Variants in EPHA6 observed in about 807,000 individuals in gnomAD.
EPHA6 encodes the protein EPH receptor A6, also known as ephrin type-A receptor 6.
In EPHA6, 50 loss-of-function variants were observed where a neutral mutation model predicts 112.0. The observed-to-expected ratio is 0.45, with a 90% CI of 0.36 to 0.56. The LOEUF (loss-of-function observed/expected upper bound fraction) is 0.56. Ranked by LOEUF, EPHA6 falls within the 20% of genes least tolerant of loss-of-function variation. EPHA6 has a pLI of 0.00. For synonymous variants in EPHA6, 529 were observed against 490.7 expected (o/e 1.08, Z -1.03); for missense variants, 1,280 against 1,417.4 (o/e 0.90, Z 1.56).
At chr3:97,038,301 C>T (rs77386486) in intron 3 of EPHA6, among the ~76,000 whole-genome samples, 3,654 of 151,540 alleles carry the variant, frequency 0.024, 152 homozygotes, top group African/African-American at 0.084. Flanking sequence ...AATCCCTCTT[C>T]ATCCTTTCCC....
chr3:97,038,602 A>G (rs893891349), intron 3 of EPHA6, among the ~76,000 whole-genome samples: 1 of 152,028 alleles, frequency 6.6e-6, no homozygotes, highest in African/African-American at 2.4e-5. Flanking sequence ...TAAAGAGCAG[A>G]GTTTTCAGGA....
intron 14 of EPHA6, among the ~76,000 whole-genome samples, chr3:97,667,802 G>C (rs2030308172): frequency 6.6e-6 from 1 of 152,024 alleles, no homozygotes; most frequent in African/African-American, 2.4e-5. Flanking sequence ...CTTTTTCATG[G>C]AGCAAATTAG....
At chr3:97,143,515 C>G (rs1411253523) in intron 3 of EPHA6, among the ~76,000 whole-genome samples, 2 of 151,680 alleles carry the variant, frequency 1.3e-5, no homozygotes, top group East Asian at 3.9e-4. Context: ...GGAGGTTTTC[C>G]TTCTGTCGTT....
intron 5 of EPHA6, among the ~76,000 whole-genome samples, chr3:97,250,765 G>A (rs906497584): frequency 1.3e-5 from 2 of 152,064 alleles, no homozygotes; most frequent in Admixed American, 6.5e-5. Context: ...TTCATTAACT[G>A]AACTCTGCCT....
chr3:96,854,052 GTTA>G (rs1316796763), intron 1 of EPHA6, among the ~76,000 whole-genome samples: 3 of 150,790 alleles, frequency 2.0e-5, no homozygotes, highest in Non-Finnish European at 2.9e-5. Flanking sequence ...TGTGTATCTA[GTTA>G]TTATAAATTC....
chr3:97,158,360 A>G (rs2076336739), intron 3 of EPHA6, among the ~76,000 whole-genome samples: 1 of 152,196 alleles, frequency 6.6e-6, no homozygotes, highest in Non-Finnish European at 1.5e-5. Flanking sequence ...CCACGTGGCC[A>G]TAGCTGGTAT....
At chr3:97,054,672 C>T (rs1246059699) in intron 3 of EPHA6, among the ~76,000 whole-genome samples, 2 of 150,608 alleles carry the variant, frequency 1.3e-5, no homozygotes, top group Admixed American at 1.4e-4. Context: ...ATATAACAAT[C>T]AATAATAAGA....
chr3:97,584,823 A>G (rs1310279479), intron 11 of EPHA6, among the ~76,000 whole-genome samples: 1 of 152,224 alleles, frequency 6.6e-6, no homozygotes, highest in Non-Finnish European at 1.5e-5. Flanking sequence ...CCAACCGCTA[A>G]TAGGCAGTCC....
At chr3:97,601,072 T>C (rs1187906497) in intron 12 of EPHA6, among the ~76,000 whole-genome samples, 1 of 152,128 alleles carries the variant, frequency 6.6e-6, no homozygotes, top group East Asian at 1.9e-4. Context: ...TAAAAATAAA[T>C]ATGATATATA....
At chr3:97,658,821 A>G (rs925899312) in intron 14 of EPHA6, among the ~76,000 whole-genome samples, 1 of 151,958 alleles carries the variant, frequency 6.6e-6, no homozygotes, top group Non-Finnish European at 1.5e-5. Flanking sequence ...TTGTAAAAGC[A>G]TCAAACCATG....
intron 2 of EPHA6, among the ~76,000 whole-genome samples, chr3:96,933,523 C>T (rs1473746328): frequency 6.6e-6 from 1 of 152,168 alleles, no homozygotes; most frequent in South Asian, 2.1e-4. Flanking sequence ...ATTTTCCTAA[C>T]TCTACTTTGA....
At chr3:96,994,726 T>TAGAGAGAGAG (rs1283627504) in intron 3 of EPHA6, among the ~76,000 whole-genome samples, 3 of 78,286 alleles carry the variant, frequency 3.8e-5, no homozygotes, top group South Asian at 3.1e-4. Context: ...TATATATATA[T>TAGAGAGAGAG]ATATATAGAG....
At chr3:97,612,948 G>A (rs768735138) in intron 13 of EPHA6, among the ~76,000 whole-genome samples, 5 of 151,966 alleles carry the variant, frequency 3.3e-5, no homozygotes, top group Non-Finnish European at 7.4e-5. Flanking sequence ...GCTCTCATGC[G>A]TTATGAATTC....
intron 10 of EPHA6, among the ~76,000 whole-genome samples, chr3:97,509,377 C>T (rs1577617942): frequency 6.6e-6 from 1 of 152,140 alleles, no homozygotes; most frequent in East Asian, 1.9e-4. Context: ...GTAAGGCAGG[C>T]CTGGTGGTGA....
At chr3:97,729,532 C>T (rs1007246917) in intron 15 of EPHA6, among the ~76,000 whole-genome samples, 2 of 152,036 alleles carry the variant, frequency 1.3e-5, no homozygotes, top group African/African-American at 4.8e-5. Context: ...ACGGGAAAGA[C>T]ACACCCCCAT....
intron 3 of EPHA6, among the ~76,000 whole-genome samples, chr3:97,066,896 T>C (rs931350518): frequency 1.3e-5 from 2 of 152,012 alleles, no homozygotes; most frequent in African/African-American, 4.8e-5. Flanking sequence ...AAGAAAAGAA[T>C]TATGATGATA....
At chr3:97,643,554 G>T (rs1367968778) in intron 14 of EPHA6, among the ~76,000 whole-genome samples, 1 of 146,538 alleles carries the variant, frequency 6.8e-6, no homozygotes. Flanking sequence ...CCCATCTCAC[G>T]TGCAGAGACA....
At chr3:97,045,049 T>C (rs1041324287) in intron 3 of EPHA6, among the ~76,000 whole-genome samples, 1 of 152,108 alleles carries the variant, frequency 6.6e-6, no homozygotes, top group Non-Finnish European at 1.5e-5. Flanking sequence ...TAGTTATTGA[T>C]TTATTTTAAT....
chr3:97,355,689 A>T (rs1210873737), intron 5 of EPHA6, among the ~76,000 whole-genome samples: 6 of 152,238 alleles, frequency 3.9e-5, no homozygotes, highest in Non-Finnish European at 7.3e-5. Flanking sequence ...ACCAATAACA[A>T]CATTGAAAGT....
Sources: gnomAD v4.1 joint callset for allele counts (sites outside exome capture counted in the v4.1 genomes callset) on GRCh38, gnomAD v4.1.1 for gene constraint, MANE v1.5 for transcripts, NCBI Gene and HGNC (gene_info 2026-07-23, HGNC 2026-07-21) for gene names.